Variants in EPHA3 observed in about 807,000 individuals in gnomAD.
The protein encoded by EPHA3 is EPH receptor A3.
EPHA3 carries 42 observed loss-of-function variants against 107.1 expected under a neutral mutation model. That is an observed-to-expected ratio of 0.39 (90% CI 0.31 to 0.51). The LOEUF is 0.51. EPHA3 is among the 20% of genes least tolerant of loss of function. The pLI, the probability that EPHA3 is intolerant of heterozygous loss-of-function variation, is 0.78. For missense variants in EPHA3, 1,183 were observed against 1,211.2 expected (o/e 0.98, Z 0.35); for synonymous variants, 461 against 424.8 (o/e 1.09, Z -1.05).
intron 5 of EPHA3, among the ~76,000 whole-genome samples, chr3:89,383,869 C>T (rs747602386): frequency 1.3e-5 from 2 of 151,858 alleles, no homozygotes; most frequent in Non-Finnish European, 2.9e-5. Context: ...AGGATTGTCT[C>T]GATCTCCTGA....
At chr3:89,125,316 T>C (rs1704070956) in intron 1 of EPHA3, among the ~76,000 whole-genome samples, 1 of 151,804 alleles carries the variant, frequency 6.6e-6, no homozygotes, top group African/African-American at 2.4e-5. Flanking sequence ...AATTAAATGA[T>C]TGGTATCACA....
chr3:89,118,069 G>A (rs1344302007), intron 1 of EPHA3, among the ~76,000 whole-genome samples: 1 of 117,780 alleles, frequency 8.5e-6, no homozygotes, highest in Non-Finnish European at 2.0e-5. Flanking sequence ...AAAGGACATA[G>A]TATTTTTCTC....
chr3:89,213,247 G>T (rs566369638), intron 3 of EPHA3, among the ~76,000 whole-genome samples: 1 of 151,936 alleles, frequency 6.6e-6, no homozygotes, highest in Non-Finnish European at 1.5e-5. Context: ...CTTAAGGGGA[G>T]ACACCAGAAA....
At chr3:89,449,150 G>A (rs549430707) in intron 13 of EPHA3, 75 bp from the exon 14 acceptor site, 86 of 1,313,612 alleles carry the variant, frequency 6.5e-5, no homozygotes, top group African/African-American at 4.6e-4. Context: ...AATTCTGTCC[G>A]GTTTCAGATT....
chr3:89,290,722 TTTG>T (rs1385378347), intron 3 of EPHA3, among the ~76,000 whole-genome samples: 1 of 152,108 alleles, frequency 6.6e-6, no homozygotes, highest in East Asian at 1.9e-4. Context: ...TGCTGATGAA[TTTG>T]TTTTTATTGT....
chr3:89,298,538 A>G (rs1267450732), intron 3 of EPHA3, among the ~76,000 whole-genome samples: 2 of 151,994 alleles, frequency 1.3e-5, no homozygotes, highest in African/African-American at 2.4e-5. Context: ...TGGAGTTTTT[A>G]TTTCATTTTG....
intron 5 of EPHA3, among the ~76,000 whole-genome samples, chr3:89,351,304 G>A (rs945319081): frequency 3.3e-5 from 5 of 151,414 alleles, no homozygotes; most frequent in African/African-American, 1.2e-4. Flanking sequence ...GCCAGGTGTG[G>A]GATATAGTCT....
At chr3:89,189,438 C>A (rs1705649583) in intron 2 of EPHA3, among the ~76,000 whole-genome samples, 1 of 151,794 alleles carries the variant, frequency 6.6e-6, no homozygotes, top group Non-Finnish European at 1.5e-5. Context: ...ACTAAAAATA[C>A]AAAAATTAGC....
At chr3:89,424,124 A>G (rs1709409805) in intron 11 of EPHA3, among the ~76,000 whole-genome samples, 1 of 151,448 alleles carries the variant, frequency 6.6e-6, no homozygotes, top group South Asian at 2.1e-4. Flanking sequence ...ATTGTAATGC[A>G]TAAACAAAAA....
rs1576221817 is a variant in EPHA3, at chr3:89,196,884, A to G, written c.154-12976A>G. Reference sequence around the variant, plus strand: ...AAAATCCCGTGGCTCTACCACCCAAATGGTTTTGGAATCTGTTATTTTCTT... The same window carrying G: ...AAAATCCCGTGGCTCTACCACCCAAGTGGTTTTGGAATCTGTTATTTTCTT... On this transcript the variant is annotated intron_variant, in intron 2 of 16. Transcript: ENST00000336596. Among the ~76,000 whole-genome samples, 3 of 152,162 alleles carry G rather than the reference A, an allele frequency of 2.0e-5. No individual in the cohort carries two copies. The East Asian group carries it at 5.8e-4, about 29-fold the overall frequency.
chr3:89,471,480 T>A (rs1405977500), intron 15 of EPHA3, among the ~76,000 whole-genome samples: 1 of 152,196 alleles, frequency 6.6e-6, no homozygotes, highest in South Asian at 2.1e-4. Context: ...GCGATTCTCC[T>A]GCTTCAGCGT....
Position 89,260,650 on chromosome 3 carries a change from C to T in EPHA3, c.814+50130C>T, listed in dbSNP as rs1320860178. ...GCTGCCCTTTGTTTGCATTTGGTTG[C>T]ATTTTGTCAGTGGTTTTCTTTTCTA... On this transcript the variant is annotated intron_variant, in intron 3 of 16. Transcript: ENST00000336596. 2.0e-5 allele frequency among the ~76,000 whole-genome samples: 3 copies of T among 152,076 alleles called. No homozygotes were observed. The East Asian group carries it at 5.8e-4, about 29-fold the overall frequency.
At chr3:89,312,824 G>A (rs1335905128) in intron 3 of EPHA3, among the ~76,000 whole-genome samples, 4 of 152,106 alleles carry the variant, frequency 2.6e-5, no homozygotes, top group Admixed American at 2.6e-4. Context: ...TTATAAGTGA[G>A]AATATGCGGT....
intron 3 of EPHA3, among the ~76,000 whole-genome samples, chr3:89,228,441 C>T (rs1704550604): frequency 6.6e-6 from 1 of 151,828 alleles, no homozygotes; most frequent in Admixed American, 6.6e-5. Context: ...GCATAGTGCT[C>T]TTGTCATTCA....
intron 3 of EPHA3, among the ~76,000 whole-genome samples, chr3:89,217,247 C>G (rs1473127570): frequency 6.6e-6 from 1 of 152,012 alleles, no homozygotes; most frequent in Non-Finnish European, 1.5e-5. Flanking sequence ...AAAGAAAGAG[C>G]CTTTTGGAAA....
intron 15 of EPHA3, among the ~76,000 whole-genome samples, chr3:89,469,747 T>C (rs1009316754): frequency 2.0e-5 from 3 of 152,196 alleles, no homozygotes; most frequent in Non-Finnish European, 2.9e-5. Flanking sequence ...TCATGTATAT[T>C]GTTCATTTTG....
rs376912780 is a variant in EPHA3, at chr3:89,286,425, C to G, written c.815-54491C>G. On this transcript the variant is annotated intron_variant, in intron 3 of 16. Transcript: ENST00000336596. ...CCTCTGGCTCTGTGTTGGAATTAAA[C>G]GGTACATTGGCAAAGGCGAAAGCAG... Among the ~76,000 whole-genome samples the G allele has an allele frequency of 3.3e-5, 5 of 152,012 alleles. No homozygotes were observed. In the East Asian group the frequency reaches 7.8e-4, roughly 24 times the overall value.
chr3:89,199,596 T>C (rs1021393491), intron 2 of EPHA3, among the ~76,000 whole-genome samples: 1 of 152,208 alleles, frequency 6.6e-6, no homozygotes, highest in African/African-American at 2.4e-5. Flanking sequence ...TTAATAATTT[T>C]TGAATTTTTT....
chr3:89,245,894 A>G (rs1371873638), intron 3 of EPHA3, among the ~76,000 whole-genome samples: 1 of 152,220 alleles, frequency 6.6e-6, no homozygotes, highest in Admixed American at 6.5e-5. Context: ...TAAGAGGATA[A>G]TAAGGTTACG....
Sources: gnomAD v4.1 joint callset for allele counts (sites outside exome capture counted in the v4.1 genomes callset) on GRCh38, gnomAD v4.1.1 for gene constraint, MANE v1.5 for transcripts, NCBI Gene and HGNC (gene_info 2026-07-23, HGNC 2026-07-21) for gene names.